The following KAZN variants were observed in gnomAD, a reference collection of about 807,000 sequenced individuals.
KAZN encodes kazrin, periplakin interacting protein.
Under a neutral mutation model 87.4 loss-of-function variants are expected in KAZN, and 40 were observed. The ratio of observed to expected loss-of-function variants is 0.46; its 90% CI spans 0.36 to 0.60. KAZN has a LOEUF of 0.60. KAZN is among the 20% of genes least tolerant of loss of function. The pLI is 0.00. For missense variants in KAZN, 898 were observed against 1,073.9 expected (o/e 0.84, Z 2.29); for synonymous variants, 466 against 458.3 (o/e 1.02, Z -0.22).
intron 1 of KAZN, among the ~76,000 whole-genome samples, chr1:14,708,512 C>T (rs745987009): frequency 6.6e-6 from 1 of 152,212 alleles, no homozygotes; most frequent in Non-Finnish European, 1.5e-5. Context: ...ATGGACTTTT[C>T]TTTTCTTCCT....
chr1:14,531,696 A>C (rs1672216571), intron 2 of KAZN, among the ~76,000 whole-genome samples: 1 of 152,212 alleles, frequency 6.6e-6, no homozygotes, highest in Non-Finnish European at 1.5e-5. Flanking sequence ...TCTTATCTGT[A>C]CAATATTTCA....
intron 2 of KAZN, among the ~76,000 whole-genome samples, chr1:14,360,889 G>A (rs1659447564): frequency 6.6e-6 from 1 of 152,202 alleles, no homozygotes; most frequent in African/African-American, 2.4e-5. Context: ...CTGCTGGGAT[G>A]TATCTCCCAG....
At position 14,752,346 on chromosome 1, in the gene KAZN, G is replaced by A. The variant is rs193112599; in HGVS notation, c.226+153123G>A. 6.6e-4 allele frequency among the ~76,000 whole-genome samples: 101 copies of A among 152,252 alleles called. 1 individual carries two copies. The highest frequency in any genetic ancestry group is 2.3e-3 in the African/African-American group (97 of 41,564). ...ATCTAATGCCGTTCTCTCCTTCTGC[G>A]CATAAGGAAACAGGCCCCAAGAGGG... On this transcript the variant is annotated intron_variant, in intron 1 of 14. Transcript: ENST00000376030.
At chr1:14,221,653 A>G (rs377463180) in intron 2 of KAZN, among the ~76,000 whole-genome samples, 15 of 152,184 alleles carry the variant, frequency 9.9e-5, no homozygotes, top group African/African-American at 3.4e-4. Context: ...TAAACAATAC[A>G]GCTATACCAA....
At chr1:14,750,350 A>G (rs1312997213) in intron 1 of KAZN, among the ~76,000 whole-genome samples, 1 of 152,202 alleles carries the variant, frequency 6.6e-6, no homozygotes, top group Non-Finnish European at 1.5e-5. Context: ...GAATTTCCAC[A>G]GCACTGTGGG....
chr1:14,801,886 A>T lies in KAZN; in HGVS notation c.227-158798A>T, dbSNP rs544808255. 2.6e-5 allele frequency among the ~76,000 whole-genome samples: 4 copies of T among 151,882 alleles called. No individual in the cohort carries two copies. The South Asian group carries it at 8.3e-4, about 32-fold the overall frequency. The stretch of plus-strand genomic sequence containing the variant: ...TTTTTAGTACAGACGGGGTTTCACC[A>T]TGTTAGCCAGTATGGTGTCTATCTC... On this transcript the variant is annotated intron_variant, in intron 1 of 14. Coordinates refer to ENST00000376030, the MANE Select transcript of KAZN (RefSeq NM_201628.3).
rs1291723307 is a variant in KAZN, at chr1:15,096,408, T to TG, written c.1547+1481dup. Among the ~76,000 whole-genome samples, 1 of 152,150 alleles carries TG rather than the reference T, an allele frequency of 6.6e-6. No homozygotes were observed. The highest frequency in any genetic ancestry group is 2.4e-5 in the African/African-American group (1 of 41,444). Reference sequence around the variant, plus strand: ...TTTGATTTTGAAGAGAAGAAATGCATGGGGGGAGGACGTCCCCACCGTCCT... The same window carrying TG: ...TTTGATTTTGAAGAGAAGAAATGCATGGGGGGGAGGACGTCCCCACCGTCCT... On this transcript the variant is annotated intron_variant, in intron 10 of 14. Coordinates refer to ENST00000376030, the MANE Select transcript of KAZN (RefSeq NM_201628.3). This position sits in a 1 kb window ranked among gnomAD's most constrained non-coding sequence, Gnocchi z 4.5.
intron 2 of KAZN, among the ~76,000 whole-genome samples, chr1:14,207,435 T>C (rs983349592): frequency 6.6e-6 from 1 of 152,196 alleles, no homozygotes; most frequent in Non-Finnish European, 1.5e-5. Context: ...CATCATGTTT[T>C]TCAAAGCTTT....
intron 1 of KAZN, among the ~76,000 whole-genome samples, chr1:14,956,690 C>T (rs7547885): frequency 0.083 from 12,598 of 152,128 alleles, 1,492 homozygotes; most frequent in African/African-American, 0.26. Context: ...TCACTCACAC[C>T]TTATTGTGAA....
At chr1:14,299,872 A>G (rs1180401230) in intron 2 of KAZN, among the ~76,000 whole-genome samples, 2 of 152,222 alleles carry the variant, frequency 1.3e-5, no homozygotes, top group Non-Finnish European at 2.9e-5. Context: ...GTGTACAGGG[A>G]AAGGAGAGAA....
At chr1:14,459,793 A>G (rs1381845002) in intron 2 of KAZN, among the ~76,000 whole-genome samples, 1 of 152,234 alleles carries the variant, frequency 6.6e-6, no homozygotes, top group Non-Finnish European at 1.5e-5. Context: ...ATCTGTAAAC[A>G]GAATCATTGG....
chr1:14,022,227 T>C (rs1029466110), intron 1 of KAZN, among the ~76,000 whole-genome samples: 2 of 151,996 alleles, frequency 1.3e-5, no homozygotes, highest in Non-Finnish European at 2.9e-5. Context: ...AAAAATTGAC[T>C]TTTCTTTTTC....
In KAZN at chr1:14,854,770, A is replaced by T. The variant is rs566149119; in HGVS notation, c.227-105914A>T. On this transcript the variant is annotated intron_variant, in intron 1 of 14. Coordinates refer to ENST00000376030, the MANE Select transcript of KAZN (RefSeq NM_201628.3). Reference sequence around the variant, plus strand: ...GGATCGAATTTCCACATGAGTTTGGATGGGGACAAACCACATCCAAACCAT... The same window carrying T: ...GGATCGAATTTCCACATGAGTTTGGTTGGGGACAAACCACATCCAAACCAT... 1.6e-4 allele frequency among the ~76,000 whole-genome samples: 25 copies of T among 152,174 alleles called. No homozygotes were observed. The East Asian group carries it at 4.6e-3, about 28-fold the overall frequency.
chr1:14,282,417 C>T (rs1428304239), intron 2 of KAZN, among the ~76,000 whole-genome samples: 1 of 152,212 alleles, frequency 6.6e-6, no homozygotes, highest in African/African-American at 2.4e-5. Flanking sequence ...ACACAGAAGC[C>T]ATTGTCTATC....
chr1:14,896,141 G>A (rs1361401465), intron 1 of KAZN, among the ~76,000 whole-genome samples: 1 of 149,228 alleles, frequency 6.7e-6, no homozygotes, highest in Admixed American at 6.7e-5. Flanking sequence ...TGCAACCTCT[G>A]CTTCCCGGGT....
At chr1:13,941,155 A>G (rs926070811) in intron 1 of KAZN, among the ~76,000 whole-genome samples, 1 of 152,152 alleles carries the variant, frequency 6.6e-6, no homozygotes, top group Non-Finnish European at 1.5e-5. Context: ...AGATCGCACC[A>G]CTGCACTCTG....
intron 1 of KAZN, among the ~76,000 whole-genome samples, chr1:14,693,937 T>C (rs1326708740): frequency 6.6e-6 from 1 of 152,210 alleles, no homozygotes; most frequent in Non-Finnish European, 1.5e-5. Flanking sequence ...GGTCTGTTAC[T>C]GGAGAAGGTT....
At chr1:14,083,870 A>G (rs531196784) in intron 1 of KAZN, among the ~76,000 whole-genome samples, 4 of 152,284 alleles carry the variant, frequency 2.6e-5, no homozygotes, top group African/African-American at 9.6e-5. Flanking sequence ...ATCCTCCCAC[A>G]CTTTCTTCTA....
At chr1:14,741,887 A>T (rs1644110551) in intron 1 of KAZN, among the ~76,000 whole-genome samples, 1 of 152,196 alleles carries the variant, frequency 6.6e-6, no homozygotes, top group South Asian at 2.1e-4. Flanking sequence ...TTTGAGCCAG[A>T]ATCCAAATAT....
Sources: allele counts gnomAD v4.1 joint callset (sites outside exome capture counted in the v4.1 genomes callset), GRCh38; gene constraint gnomAD v4.1.1; non-coding constraint Gnocchi (gnomAD v3.1); transcripts MANE v1.5; gene names NCBI Gene and HGNC (gene_info 2026-07-23, HGNC 2026-07-21).